Variants in PARVG observed in about 807,000 individuals in gnomAD.
PARVG encodes the protein gamma-parvin.
A neutral mutation model predicts 44.4 loss-of-function variants in PARVG; 36 were observed. The observed-to-expected ratio is 0.81, with a 90% CI of 0.62 to 1.07. The LOEUF is 1.07. Among genes scored for constraint, PARVG ranks in the 50% least tolerant of loss-of-function variants. PARVG has a pLI of 0.00. For synonymous variants in PARVG, 170 were observed against 174.1 expected (o/e 0.98, Z 0.19); for missense variants, 407 against 407.4 (o/e 1.00, Z 0.01).
intron 12 of PARVG, among the ~76,000 whole-genome samples, chr22:44,202,903 G>A (rs540451254): frequency 2.9e-4 from 44 of 152,312 alleles, no homozygotes; most frequent in Non-Finnish European, 5.4e-4. Context: ...AATCCTTGGC[G>A]TCCTTCCACG....
intron 9 of PARVG, among the ~76,000 whole-genome samples, chr22:44,194,825 T>A (rs2054597279): frequency 6.9e-6 from 1 of 144,640 alleles, no homozygotes; most frequent in African/African-American, 2.7e-5. Context: ...ATCCATATAT[T>A]CATCCATCCA....
chr22:44,205,153 A>G (rs2147242617), intron 12 of PARVG, among the ~76,000 whole-genome samples: 2 of 152,294 alleles, frequency 1.3e-5, no homozygotes, highest in African/African-American at 4.8e-5. Flanking sequence ...GGCGGAAAGG[A>G]CAGCCACCTG....
At chr22:44,188,839 G>A (rs2054510109) in intron 5 of PARVG, 1 of 485,288 alleles carries the variant, frequency 2.1e-6, no homozygotes, top group Admixed American at 3.3e-5. Flanking sequence ...AAGGTGAGGT[G>A]GGCTCTCTCA....
intron 7 of PARVG, among the ~76,000 whole-genome samples, chr22:44,191,123 C>T (rs574192058): frequency 3.5e-4 from 53 of 152,284 alleles, no homozygotes; most frequent in Middle Eastern, 3.4e-3. Context: ...GGAACCTTGC[C>T]GGGTTTCCCC....
chr22:44,173,367 G>A (rs1423495640), intron 1 of PARVG, among the ~76,000 whole-genome samples: 1 of 152,138 alleles, frequency 6.6e-6, no homozygotes, highest in African/African-American at 2.4e-5. Flanking sequence ...ACTCTGAAAG[G>A]CAAGGAACCC....
Position 44,181,794 on chromosome 22 carries a change from G to A in PARVG, c.-136G>A, listed in dbSNP as rs1050219176. On this transcript the variant is annotated 5_prime_UTR_variant, in exon 2 of 14. Transcript: ENST00000444313. ...GGGCCTGGAGGAAGTGAGCAGCGGG[G>A]CTCCTGCCTCCCGGCCTGGTCCCCG... 4 of 985,358 alleles carry A rather than the reference G, an allele frequency of 4.1e-6. No homozygotes were observed. In the African/African-American group the frequency reaches 5.2e-5, roughly 13 times the overall value. The allele number at this position is 985,358 out of a possible 1,614,324, so 61.0% of individuals were successfully genotyped here.
chr22:44,198,814 T>G (rs2054653708), intron 12 of PARVG, 92 bp downstream of exon 12: 17 of 1,004,356 alleles, frequency 1.7e-5, no homozygotes, highest in Non-Finnish European at 2.5e-5. Context: ...CACTTCCAGG[T>G]GAAGTGAAGG....
intron 6 of PARVG, among the ~76,000 whole-genome samples, chr22:44,189,602 C>T (rs1250393714): frequency 6.6e-6 from 1 of 152,200 alleles, no homozygotes; most frequent in African/African-American, 2.4e-5. Flanking sequence ...GGAATATCTG[C>T]AGGGCCTGCT....
At chr22:44,178,861 CCTT>C (rs1034375184), upstream of PARVG, among the ~76,000 whole-genome samples, 6 of 151,922 alleles carry the variant, frequency 3.9e-5, no homozygotes, top group South Asian at 2.1e-4. Flanking sequence ...TATTAGAAAA[CCTT>C]CTATCAATGC....
intron 11 of PARVG, 150 bp downstream of exon 11, chr22:44,196,565 GC>G: frequency 1.1e-6 from 1 of 931,654 alleles, no homozygotes; most frequent in Non-Finnish European, 1.6e-6. Flanking sequence ...TGGGACTGTT[GC>G]TGGCAGGCAG....
chr22:44,195,199 AG>A (rs1460131967), intron 9 of PARVG, among the ~76,000 whole-genome samples: 1 of 151,966 alleles, frequency 6.6e-6, no homozygotes, highest in Non-Finnish European at 1.5e-5. Flanking sequence ...TGAGGACATG[AG>A]GGGTTGCCCA....
intron 5 of PARVG, 103 bp from the exon 6 acceptor site, chr22:44,189,011 T>C: frequency 4.7e-6 from 7 of 1,492,888 alleles, no homozygotes; most frequent in Non-Finnish European, 5.5e-6. Flanking sequence ...TCCAGACCCA[T>C]GTTCCCTGAA....
intron 1 of PARVG, among the ~76,000 whole-genome samples, chr22:44,173,605 T>TGGGTTTGTGTCC (rs1305279720): frequency 6.6e-6 from 1 of 152,156 alleles, no homozygotes; most frequent in Non-Finnish European, 1.5e-5. Flanking sequence ...GAGAAGTGCC[T>TGGGTTTGTGTCC]GGGTTTGTGT....
At chr22:44,192,656 C>A (rs2054565398) in intron 8 of PARVG, among the ~76,000 whole-genome samples, 1 of 150,940 alleles carries the variant, frequency 6.6e-6, no homozygotes, top group Admixed American at 6.6e-5. Flanking sequence ...TGGGCATGGC[C>A]ACCTGCTCCC....
chr22:44,184,260 A>T (rs1377311360), intron 3 of PARVG: 1 of 152,262 alleles, frequency 6.6e-6, no homozygotes, highest in Admixed American at 6.5e-5. Context: ...TGACAAAGAA[A>T]ATGTGTGAAA....
chr22:44,176,644 CTT>C (rs139114), upstream of PARVG, among the ~76,000 whole-genome samples: 3 of 149,592 alleles, frequency 2.0e-5, no homozygotes, highest in South Asian at 4.3e-4. Flanking sequence ...AGAGCAAAGG[CTT>C]TTTTTTTTCT....
At chr22:44,191,488 C>T (rs1181003874) in intron 7 of PARVG, among the ~76,000 whole-genome samples, 3 of 139,428 alleles carry the variant, frequency 2.2e-5, no homozygotes, top group Non-Finnish European at 3.0e-5. Flanking sequence ...ACTTCTGCCT[C>T]TCCAGCTCAA....
chr22:44,184,605 G>C (rs1385095627), intron 3 of PARVG: 1 of 152,268 alleles, frequency 6.6e-6, no homozygotes, highest in African/African-American at 2.4e-5. Context: ...TCCCAAAAGT[G>C]CTGGGATTAC....
intron 8 of PARVG, among the ~76,000 whole-genome samples, chr22:44,193,382 G>A (rs2147230592): frequency 6.6e-6 from 1 of 152,322 alleles, no homozygotes; most frequent in South Asian, 2.1e-4. Context: ...TCAGCGTAGG[G>A]AGGGAGAGGA....
Sources: gnomAD v4.1 joint callset for allele counts (sites outside exome capture counted in the v4.1 genomes callset) on GRCh38, gnomAD v4.1.1 for gene constraint, MANE v1.5 for transcripts, NCBI Gene and HGNC (gene_info 2026-07-23, HGNC 2026-07-21) for gene names.